Variants in GRIN2A observed in about 807,000 individuals in gnomAD.
The protein encoded by GRIN2A is glutamate ionotropic receptor NMDA type subunit 2A.
Under a neutral mutation model 113.4 loss-of-function variants are expected in GRIN2A, and 22 were observed. The observed-to-expected ratio is 0.19, with a 90% CI of 0.14 to 0.28. The LOEUF is 0.28. Among genes scored for constraint, GRIN2A ranks in the 10% least tolerant of loss-of-function variants. The probability of loss-of-function intolerance (pLI) is 1.00; values close to 1 mark genes in which losing one functional copy is unlikely to be tolerated. For synonymous variants in GRIN2A, 827 were observed against 738.4 expected (o/e 1.12, Z -1.94); for missense variants, 1,502 against 1,887.0 (o/e 0.80, Z 3.78).
chr16:9,753,789 C>A lies in GRIN2A; in HGVS notation c.*9360G>T. The A allele has an allele frequency of 5.4e-6, 1 of 183,648 alleles. No individual in the cohort carries two copies. The highest frequency in any genetic ancestry group is 1.2e-5 in the Non-Finnish European group (1 of 86,372). The allele number at this position is 183,648 out of a possible 1,614,324, so 11.4% of individuals were successfully genotyped here. ...ATTAATTCCCAAATGAAGACCATTG[C>A]TTAGAGCAGACAGCTTGCTTTCAGC... On this transcript the variant is annotated 3_prime_UTR_variant, in exon 13 of 13. Coordinates refer to ENST00000330684, the MANE Select transcript of GRIN2A (RefSeq NM_001134407.3).
At chr16:9,930,872 T>C (rs2044575724) in intron 3 of GRIN2A, among the ~76,000 whole-genome samples, 2 of 152,220 alleles carry the variant, frequency 1.3e-5, no homozygotes, top group Non-Finnish European at 1.5e-5. Context: ...CAATGTAACT[T>C]AGACATGAAT....
intron 2 of GRIN2A, among the ~76,000 whole-genome samples, chr16:9,973,077 T>A (rs879464483): frequency 6.6e-6 from 1 of 152,198 alleles, no homozygotes; most frequent in African/African-American, 2.4e-5. Context: ...TTTATCAATC[T>A]GGGTGGTGCT....
chr16:9,797,830 C>T (rs926008232), intron 11 of GRIN2A, among the ~76,000 whole-genome samples: 4 of 152,156 alleles, frequency 2.6e-5, no homozygotes, highest in Non-Finnish European at 5.9e-5. Context: ...CATCTTCTGG[C>T]CCTGGCCTCT....
intron 2 of GRIN2A, among the ~76,000 whole-genome samples, chr16:9,993,093 G>C (rs756864807): frequency 2.7e-4 from 41 of 151,798 alleles, no homozygotes; most frequent in Non-Finnish European, 5.0e-4. Flanking sequence ...AGCCAGGTAT[G>C]GTGGTGCACG....
intron 2 of GRIN2A, among the ~76,000 whole-genome samples, chr16:9,980,691 C>T (rs2045875493): frequency 6.6e-6 from 1 of 151,976 alleles, no homozygotes; most frequent in South Asian, 2.1e-4. Flanking sequence ...TTTGTAGGGA[C>T]ATGGATGAAG....
At chr16:10,027,698 C>T in intron 2 of GRIN2A, 1 of 152,936 alleles carries the variant, frequency 6.5e-6, no homozygotes, top group Non-Finnish European at 1.5e-5. Context: ...CATGGGCTGG[C>T]CTGGTGCCTC....
At position 9,762,555 on chromosome 16, in the gene GRIN2A, G is replaced by A. The variant is rs1900630723; in HGVS notation, c.*594C>T. ...AACACACTGATTTGCTATTCTTTAG[G>A]GGAGCCTGGAGTTCTTGGGGTGAGC... On this transcript the variant is annotated 3_prime_UTR_variant, in exon 13 of 13. Coordinates refer to ENST00000330684, the MANE Select transcript of GRIN2A (RefSeq NM_001134407.3). The A allele has an allele frequency of 4.3e-6, 1 of 230,306 alleles. No individual in the cohort carries two copies. The highest frequency in any genetic ancestry group is 8.6e-6 in the Non-Finnish European group (1 of 116,140). The allele number at this position is 230,306 out of a possible 1,614,324, so 14.3% of individuals were successfully genotyped here. A position where few individuals can be genotyped will look rare whatever the true frequency, so the allele number is the denominator to read the frequency against.
At chr16:9,909,164 G>T (rs1462085745) in intron 3 of GRIN2A, among the ~76,000 whole-genome samples, 1 of 152,208 alleles carries the variant, frequency 6.6e-6, no homozygotes, top group Non-Finnish European at 1.5e-5. Context: ...CAGGCAAAAA[G>T]AGTTTGTGCA....
At chr16:9,775,298 C>T (rs999751245) in intron 11 of GRIN2A, among the ~76,000 whole-genome samples, 2 of 152,054 alleles carry the variant, frequency 1.3e-5, no homozygotes, top group African/African-American at 2.4e-5. Flanking sequence ...AAGCTGAGTT[C>T]GATGTTCTAT....
chr16:9,868,751 C>A (rs1174059485), intron 4 of GRIN2A, among the ~76,000 whole-genome samples: 1 of 152,202 alleles, frequency 6.6e-6, no homozygotes, highest in Non-Finnish European at 1.5e-5. Context: ...TGACAACCAA[C>A]TCCTGGTTCC....
At chr16:9,929,043 G>C (rs977374250) in intron 3 of GRIN2A, among the ~76,000 whole-genome samples, 5 of 152,210 alleles carry the variant, frequency 3.3e-5, no homozygotes, top group African/African-American at 1.2e-4. Flanking sequence ...AGAGCACCTG[G>C]AATTTACAGC....
At chr16:10,163,625 C>T (rs1244469017) in intron 2 of GRIN2A, among the ~76,000 whole-genome samples, 2 of 151,408 alleles carry the variant, frequency 1.3e-5, no homozygotes, top group Admixed American at 1.3e-4. Flanking sequence ...TCAGCCCCTC[C>T]CTTGGGAACC....
chr16:10,174,752 T>C (rs947937581), intron 2 of GRIN2A, among the ~76,000 whole-genome samples: 1 of 149,624 alleles, frequency 6.7e-6, no homozygotes, highest in Non-Finnish European at 1.5e-5. Context: ...TAAAATAAAA[T>C]AATAGACCAG....
At chr16:9,766,360 ACATTTTTCTT>A (rs1900922285) in intron 12 of GRIN2A, among the ~76,000 whole-genome samples, 1 of 152,204 alleles carries the variant, frequency 6.6e-6, no homozygotes, top group African/African-American at 2.4e-5. Context: ...TTTCACTGCT[ACATTTTTCTT>A]GTAGTAGACA....
At chr16:9,808,801 C>T (rs768086228) in intron 10 of GRIN2A, among the ~76,000 whole-genome samples, 28 of 152,006 alleles carry the variant, frequency 1.8e-4, no homozygotes, top group Non-Finnish European at 2.4e-4. Flanking sequence ...ATACTTCCAC[C>T]CAGAAATTCT....
intron 2 of GRIN2A, among the ~76,000 whole-genome samples, chr16:10,026,898 G>A (rs1184542307): frequency 3.3e-5 from 5 of 152,104 alleles, no homozygotes; most frequent in African/African-American, 1.2e-4. Flanking sequence ...TCACAGAAAC[G>A]ATCAAGTTCT....
At chr16:10,072,946 C>CCCCTTTTTTTT (rs565877354) in intron 2 of GRIN2A, among the ~76,000 whole-genome samples, 3 of 104,226 alleles carry the variant, frequency 2.9e-5, no homozygotes, top group African/African-American at 7.3e-5. Flanking sequence ...ACAAGACCCC[C>CCCCTTTTTTTT]TTTTTTTTTT....
chr16:10,040,766 C>T (rs143036025), intron 2 of GRIN2A, among the ~76,000 whole-genome samples: 3 of 152,362 alleles, frequency 2.0e-5, no homozygotes, highest in African/African-American at 7.2e-5. Flanking sequence ...GCAACCCTCA[C>T]GCAGCTGCGC....
At chr16:10,154,951 A>T (rs2049658311) in intron 2 of GRIN2A, among the ~76,000 whole-genome samples, 1 of 152,264 alleles carries the variant, frequency 6.6e-6, no homozygotes, top group African/African-American at 2.4e-5. Context: ...TCTTCTGATC[A>T]AATAGATTTG....
Sources: gnomAD v4.1 joint callset for allele counts (sites outside exome capture counted in the v4.1 genomes callset) on GRCh38, gnomAD v4.1.1 for gene constraint, MANE v1.5 for transcripts, NCBI Gene and HGNC (gene_info 2026-07-23, HGNC 2026-07-21) for gene names.